DNAJB14: variants seen among roughly 807,000 people sequenced by gnomAD.
DNAJB14 encodes DnaJ heat shock protein family (Hsp40) member B14.
Under a neutral mutation model 48.4 loss-of-function variants are expected in DNAJB14, and 22 were observed. The ratio of observed to expected loss-of-function variants is 0.45; its 90% CI spans 0.32 to 0.65. The LOEUF (loss-of-function observed/expected upper bound fraction) is 0.65, where lower values mean the gene tolerates loss of function less well. Among genes scored for constraint, DNAJB14 ranks in the 30% least tolerant of loss-of-function variants. The pLI, the probability that DNAJB14 is intolerant of heterozygous loss-of-function variation, is 0.03. For synonymous variants in DNAJB14, 142 were observed against 158.7 expected, an observed-to-expected ratio of 0.89 and a Z score of 0.79; for missense variants, 319 against 458.8, an observed-to-expected ratio of 0.70 and a Z score of 2.78.
In DNAJB14 at chr4:99,898,461, C is replaced by T. The variant is rs1725195189; in HGVS notation, c.*2567G>A. The T allele has an allele frequency of 6.6e-6, 1 of 151,886 alleles. No homozygotes were observed. The highest frequency in any genetic ancestry group is 1.5e-5 in the Non-Finnish European group (1 of 67,822). The allele number at this position is 151,886 out of a possible 1,614,324, so 9.4% of individuals were successfully genotyped here. ...ACTACATTTCGAAATTTACAGATGA[C>T]TAAATGACTAGCACCAGTCTATTTG... On this transcript the variant is annotated 3_prime_UTR_variant, in exon 8 of 8. Transcript: ENST00000442697.
chr4:99,941,819 G>A (rs1726900195), intron 1 of DNAJB14, among the ~76,000 whole-genome samples: 1 of 152,122 alleles, frequency 6.6e-6, no homozygotes. Context: ...CCCTGAATCA[G>A]TATTCTTTCT....
intron 1 of DNAJB14, among the ~76,000 whole-genome samples, chr4:99,935,396 G>A (rs183719710): frequency 1.3e-5 from 2 of 152,254 alleles, no homozygotes; most frequent in Admixed American, 6.5e-5. Flanking sequence ...AGCCACAGAT[G>A]AACTGTTTTC....
chr4:99,928,349 G>A (rs1381852647), intron 2 of DNAJB14: 2 of 157,140 alleles, frequency 1.3e-5, no homozygotes, highest in Middle Eastern at 5.2e-4. Flanking sequence ...CACCTTTTAT[G>A]TCTCCACCTG....
At chr4:99,938,574 A>G (rs1726774700) in intron 1 of DNAJB14, among the ~76,000 whole-genome samples, 1 of 151,974 alleles carries the variant, frequency 6.6e-6, no homozygotes, top group Non-Finnish European at 1.5e-5. Context: ...GTGTGTAGAA[A>G]GAGAAAGAGA....
At chr4:99,927,622 T>A (rs151088633) in intron 2 of DNAJB14, 3 of 152,296 alleles carry the variant, frequency 2.0e-5, no homozygotes, top group Non-Finnish European at 4.4e-5. Flanking sequence ...TTCAATACAC[T>A]TCAACTCAAA....
At chr4:99,933,183 T>TATAC (rs1369497647) in intron 1 of DNAJB14, among the ~76,000 whole-genome samples, 1 of 151,974 alleles carries the variant, frequency 6.6e-6, no homozygotes, top group Non-Finnish European at 1.5e-5. Context: ...TGTATATATA[T>TATAC]ATACACACAC....
chr4:99,938,076 G>A (rs1319001867), intron 1 of DNAJB14, among the ~76,000 whole-genome samples: 1 of 114,790 alleles, frequency 8.7e-6, no homozygotes, highest in Non-Finnish European at 1.7e-5. Context: ...TGGCTAACAT[G>A]GCGAAACCAT....
chr4:99,925,112 T>C, intron 2 of DNAJB14: 1 of 369,862 alleles, frequency 2.7e-6, no homozygotes, highest in Non-Finnish European at 4.9e-6. Context: ...CTACAGATGC[T>C]CAAATCCCTG....
At chr4:99,933,303 CTTTTTTTTTTTT>C (rs759298582) in intron 1 of DNAJB14, among the ~76,000 whole-genome samples, 12 of 88,776 alleles carry the variant, frequency 1.4e-4, no homozygotes, top group Non-Finnish European at 2.1e-4. Context: ...CATAAACAGT[CTTTTTTTTTTTT>C]TTTTTTTTTT....
At chr4:99,934,180 C>T (rs1201937805) in intron 1 of DNAJB14, among the ~76,000 whole-genome samples, 5 of 151,876 alleles carry the variant, frequency 3.3e-5, no homozygotes, top group Non-Finnish European at 7.4e-5. Context: ...AGAGAAACTC[C>T]AGATAAAAGT....
At chr4:99,909,809 G>GA (rs751151762) in intron 3 of DNAJB14, among the ~76,000 whole-genome samples, 1 of 151,112 alleles carries the variant, frequency 6.6e-6, no homozygotes, top group Non-Finnish European at 1.5e-5. Flanking sequence ...ATGTCATGCT[G>GA]AAAAAAAAGA....
At chr4:99,906,902 G>A (rs1188373125) in intron 4 of DNAJB14, among the ~76,000 whole-genome samples, 1 of 152,066 alleles carries the variant, frequency 6.6e-6, no homozygotes, top group African/African-American at 2.4e-5. Flanking sequence ...TTTATGATTA[G>A]TTGTGATTAG....
intron 5 of DNAJB14, chr4:99,906,143 TA>T (rs2110193943): frequency 7.6e-7 from 1 of 1,318,004 alleles, no homozygotes; most frequent in Non-Finnish European, 9.9e-7. Flanking sequence ...CCACTTCATG[TA>T]ATTAAATTGC....
Position 99,898,636 on chromosome 4 carries a change from G to C in DNAJB14, c.*2392C>G, listed in dbSNP as rs1296619929. ...AAATGTAAAGCATTAATAAATATAA[G>C]TGCTGCTAAACTGTTAGAATACCAG... On this transcript the variant is annotated 3_prime_UTR_variant, in exon 8 of 8. Coordinates refer to ENST00000442697, the MANE Select transcript of DNAJB14 (RefSeq NM_001031723.4). The C allele has an allele frequency of 6.6e-6, 1 of 151,910 alleles. No individual in the cohort carries two copies. The highest frequency in any genetic ancestry group is 2.4e-5 in the African/African-American group (1 of 41,416). The allele number at this position is 151,910 out of a possible 1,614,324, so 9.4% of individuals were successfully genotyped here.
Position 99,934,789 on chromosome 4 carries a change from C to CAAAAAAAAAAAAAAAAAAAAAAAAAA in DNAJB14, c.134-4194_134-4169dup. ...CCTGGGTGACAGAGCAAGACTGTCT[C>CAAAAAAAAAAAAAAAAAAAAAAAAAA]AAAAAAAAAAAAAAAAAAAAAAAAA... On this transcript the variant is annotated intron_variant, in intron 1 of 7. Transcript: ENST00000442697. 3.0e-4 allele frequency among the ~76,000 whole-genome samples: 2 copies of CAAAAAAAAAAAAAAAAAAAAAAAAAA among 6,776 alleles called. 1 individual carries two copies. The highest frequency in any genetic ancestry group is 4.9e-4 in the Non-Finnish European group (2 of 4,104). 4.4% of individuals were successfully genotyped at this position (6,776 alleles called of 152,430 possible).
chr4:99,931,685 A>G (rs893222162), intron 1 of DNAJB14, among the ~76,000 whole-genome samples: 1 of 151,868 alleles, frequency 6.6e-6, no homozygotes, highest in Non-Finnish European at 1.5e-5. Context: ...GGCCCACATT[A>G]TCGCTAGACC....
chr4:99,923,491 G>T (rs1028262370), intron 2 of DNAJB14, among the ~76,000 whole-genome samples: 1 of 152,190 alleles, frequency 6.6e-6, no homozygotes, highest in South Asian at 2.1e-4. Flanking sequence ...AGCATATATT[G>T]TAACTAAAAT....
Position 99,946,452 on chromosome 4 carries a change from C to A in DNAJB14, c.120G>T (p.Leu40=). ...CTGAGGTCTCACCGCGGGCCGAGGG[C>A]AGTGGGTAGAGCTTCTCGGCCTTCT... ...FLQKAEKLYP[L]PSARALLEII... Residue 40 remains leucine (L), a synonymous_variant, in exon 1 of 8, where the codon CTG becomes CTT. Coordinates refer to ENST00000442697, the MANE Select transcript of DNAJB14 (RefSeq NM_001031723.4). 1 of 1,612,964 alleles carries A rather than the reference C, an allele frequency of 6.2e-7. No homozygotes were observed. The highest frequency in any genetic ancestry group is 2.2e-5 in the East Asian group (1 of 44,820).
intron 3 of DNAJB14, among the ~76,000 whole-genome samples, chr4:99,915,064 T>C (rs1725801863): frequency 6.6e-6 from 1 of 152,262 alleles, no homozygotes; most frequent in South Asian, 2.1e-4. Flanking sequence ...ATTCTTTTTC[T>C]AGATTTGTAA....
Sources: gnomAD v4.1 joint callset for allele counts (sites outside exome capture counted in the v4.1 genomes callset) on GRCh38, gnomAD v4.1.1 for gene constraint, MANE v1.5 for transcripts, NCBI Gene and HGNC (gene_info 2026-07-23, HGNC 2026-07-21) for gene names.